The following DACH2 variants were observed in gnomAD, a reference collection of about 807,000 sequenced individuals.
DACH2 encodes the protein dachshund homolog 2.
A neutral mutation model predicts 35.8 loss-of-function variants in DACH2; 17 were observed. That is an observed-to-expected ratio of 0.48 (90% CI 0.33 to 0.71). The LOEUF is 0.71. Ranked by LOEUF, DACH2 falls within the 30% of genes least tolerant of loss-of-function variation. DACH2 has a pLI of 0.02. For synonymous variants in DACH2, 195 were observed against 177.3 expected (o/e 1.10, Z -0.79); for missense variants, 469 against 472.7 (o/e 0.99, Z 0.07).
intron 4 of DACH2, among the ~76,000 whole-genome samples, chrX:86,684,074 T>C (rs1298440027): frequency 2.7e-5 from 3 of 111,279 alleles, no homozygotes; most frequent in Non-Finnish European, 5.7e-5. Context: ...AAGATCACTT[T>C]AACCTCGCCA....
intron 1 of DACH2, among the ~76,000 whole-genome samples, chrX:86,196,655 T>C (rs2147897159): frequency 1.3e-5 from 1 of 79,440 alleles, no homozygotes; most frequent in East Asian, 4.0e-4. Flanking sequence ...ATCACACCAC[T>C]GCACTCCAGC....
chrX:86,200,291 G>A (rs2032115491), intron 1 of DACH2, among the ~76,000 whole-genome samples: 1 of 110,972 alleles, frequency 9.0e-6, no homozygotes, highest in African/African-American at 3.3e-5. Context: ...AACTCAAGAT[G>A]GATTAAAGAC....
At chrX:86,741,981 A>T (rs1043740532) in intron 7 of DACH2, among the ~76,000 whole-genome samples, 7 of 111,188 alleles carry the variant, frequency 6.3e-5, no homozygotes, top group African/African-American at 2.3e-4. Flanking sequence ...TAATATATAG[A>T]AAAAAATATA....
chrX:86,249,697 C>T (rs906495882), intron 1 of DACH2, among the ~76,000 whole-genome samples: 1 of 111,460 alleles, frequency 9.0e-6, no homozygotes. Flanking sequence ...AATCCTATTA[C>T]TGGGTATATA....
At chrX:86,454,047 G>C (rs188833063) in intron 2 of DACH2, among the ~76,000 whole-genome samples, 1 of 111,287 alleles carries the variant, frequency 9.0e-6, no homozygotes. Flanking sequence ...AGCTTAGTTT[G>C]GCTAGATATG....
intron 3 of DACH2, among the ~76,000 whole-genome samples, chrX:86,525,455 T>C (rs975647570): frequency 8.9e-6 from 1 of 111,993 alleles, no homozygotes; most frequent in Admixed American, 9.6e-5. Context: ...TGTTATTATT[T>C]GTTGTGGCTA....
intron 4 of DACH2, among the ~76,000 whole-genome samples, chrX:86,661,862 T>A (rs1018835928): frequency 2.7e-5 from 3 of 112,293 alleles, no homozygotes; most frequent in African/African-American, 9.7e-5. Context: ...TACTCTGCAC[T>A]CTATGGTCTT....
intron 1 of DACH2, chrX:86,184,348 C>T: frequency 6.9e-6 from 1 of 144,310 alleles, no homozygotes; most frequent in Non-Finnish European, 1.4e-5. Context: ...GCTGGAATTA[C>T]AGGTACATGC....
chrX:86,529,979 A>ACACG (rs750544235), intron 3 of DACH2, among the ~76,000 whole-genome samples: 18,552 of 64,275 alleles, frequency 0.29, 1,774 homozygotes, highest in Non-Finnish European at 0.39. Flanking sequence ...ACACACACGC[A>ACACG]CACACACACA....
chrX:86,523,800 T>G (rs1182671857), intron 3 of DACH2, among the ~76,000 whole-genome samples: 1 of 111,033 alleles, frequency 9.0e-6, no homozygotes, highest in Non-Finnish European at 1.9e-5. Flanking sequence ...ACTATAGTGA[T>G]GTTATCTACA....
chrX:86,225,101 ACAC>A (rs2032793934), intron 1 of DACH2, among the ~76,000 whole-genome samples: 1 of 108,089 alleles, frequency 9.3e-6, no homozygotes, highest in Non-Finnish European at 2.0e-5. Flanking sequence ...AAATTGATGA[ACAC>A]TCTAAAATGA....
At chrX:86,643,892 A>G (rs2040381044) in intron 3 of DACH2, among the ~76,000 whole-genome samples, 1 of 111,641 alleles carries the variant, frequency 9.0e-6, no homozygotes, top group South Asian at 3.7e-4. Flanking sequence ...GACGTAGAAA[A>G]GGTTTTTGAT....
chrX:86,653,802 G>T (rs2040507110), intron 4 of DACH2, among the ~76,000 whole-genome samples: 1 of 107,597 alleles, frequency 9.3e-6, no homozygotes. Context: ...AAGTAGCTGA[G>T]ATTACAGGTA....
rs1441961091 is a variant in DACH2, at chrX:86,518,074, T to C, written c.640+3683T>C. Among the ~76,000 whole-genome samples, 6 of 112,312 alleles carry C rather than the reference T, an allele frequency of 5.3e-5. No individual in the cohort carries two copies. In the Admixed American group the frequency reaches 5.7e-4, roughly 11 times the overall value. On this transcript the variant is annotated intron_variant, in intron 3 of 11. Transcript: ENST00000373125. ...AATCCATCTTGAGTTGATTTCTGTATATGGTGTAAGGAAGGGGTCCAGTTT... is the reference window on the plus strand; with the variant it reads ...AATCCATCTTGAGTTGATTTCTGTACATGGTGTAAGGAAGGGGTCCAGTTT...
rs187334690 is a variant in DACH2, at chrX:86,482,786, T to C, written c.528-31493T>C. 2.7e-5 allele frequency among the ~76,000 whole-genome samples: 3 copies of C among 110,702 alleles called. No individual in the cohort carries two copies. In the East Asian group the frequency reaches 8.5e-4, roughly 31 times the overall value. On this transcript the variant is annotated intron_variant, in intron 2 of 11. Transcript: ENST00000373125. ...TTTGATTTGCATAATGTGGCACATA[T>C]ACACCATGGAATACTATGCAGCCGT...
intron 1 of DACH2, among the ~76,000 whole-genome samples, chrX:86,201,785 T>C (rs759046798): frequency 8.9e-4 from 96 of 108,373 alleles, no homozygotes; most frequent in Admixed American, 1.9e-3. Context: ...TTTATACAAC[T>C]TGGCAAGTGC....
intron 2 of DACH2, among the ~76,000 whole-genome samples, chrX:86,478,194 A>G (rs185792975): frequency 1.8e-5 from 2 of 111,899 alleles, no homozygotes; most frequent in East Asian, 5.6e-4. Context: ...TACTATGACC[A>G]GTAAGTTTTG....
chrX:86,668,522 G>T (rs1320368828), intron 4 of DACH2, among the ~76,000 whole-genome samples: 1 of 111,684 alleles, frequency 9.0e-6, no homozygotes, highest in Non-Finnish European at 1.9e-5. Context: ...AGCATTAATG[G>T]AAATGTATTT....
chrX:86,430,782 A>G (rs1443559875), intron 2 of DACH2, among the ~76,000 whole-genome samples: 2 of 112,346 alleles, frequency 1.8e-5, no homozygotes, highest in African/African-American at 3.2e-5. Flanking sequence ...TCTCCTTGCT[A>G]CACAAAAGAT....
Sources: allele counts gnomAD v4.1 joint callset (sites outside exome capture counted in the v4.1 genomes callset), GRCh38; gene constraint gnomAD v4.1.1; transcripts MANE v1.5; gene names NCBI Gene and HGNC (gene_info 2026-07-23, HGNC 2026-07-21).